SGCD: variants seen among roughly 807,000 people sequenced by gnomAD.
SGCD encodes the protein delta-sarcoglycan.
In SGCD, 18 loss-of-function variants were observed where a neutral mutation model predicts 36.6. The observed-to-expected ratio is 0.49, with a 90% CI of 0.34 to 0.73. The LOEUF (loss-of-function observed/expected upper bound fraction) is 0.73, where lower values mean the gene tolerates loss of function less well. Ranked by LOEUF, SGCD falls within the 30% of genes least tolerant of loss-of-function variation. SGCD has a pLI of 0.01. For synonymous variants in SGCD, 133 were observed against 130.6 expected (o/e 1.02, Z -0.12); for missense variants, 387 against 346.7 (o/e 1.12, Z -0.92).
intron 2 of SGCD, among the ~76,000 whole-genome samples, chr5:156,334,501 G>A (rs767475919): frequency 5.3e-5 from 8 of 151,782 alleles, no homozygotes; most frequent in Admixed American, 1.3e-4. Context: ...TTGCAATGCC[G>A]TCAAGTCTTT....
At chr5:156,242,293 A>T (rs1765324875) in intron 3 of SGCD, among the ~76,000 whole-genome samples, 1 of 152,242 alleles carries the variant, frequency 6.6e-6, no homozygotes, top group East Asian at 1.9e-4. Context: ...CAATTATAGA[A>T]GCTAGAGTAG....
At chr5:156,239,252 T>G (rs1765242300) in intron 3 of SGCD, among the ~76,000 whole-genome samples, 1 of 151,894 alleles carries the variant, frequency 6.6e-6, no homozygotes, top group African/African-American at 2.4e-5. Context: ...ATACAAAAAT[T>G]AGCTGGGTGT....
chr5:156,413,779 C>G (rs1234766885), intron 3 of SGCD, among the ~76,000 whole-genome samples: 1 of 152,288 alleles, frequency 6.6e-6, no homozygotes, highest in African/African-American at 2.4e-5. Context: ...CTAGCGCAGA[C>G]ATTTGAAATG....
chr5:155,882,118 T>C (rs983273511), intron 1 of SGCD, among the ~76,000 whole-genome samples: 1 of 151,932 alleles, frequency 6.6e-6, no homozygotes, highest in African/African-American at 2.4e-5. Context: ...ATTATTTTTC[T>C]TTTTTTTGAG....
the SGCD span, among the ~76,000 whole-genome samples, chr5:155,853,377 G>A: frequency 4.4e-4 from 67 of 151,698 alleles, no homozygotes; most frequent in African/African-American, 1.6e-3. Flanking sequence ...GATGGGTTTT[G>A]TAGAATTTGT....
chr5:156,750,470 G>C (rs934396943), intron 7 of SGCD, among the ~76,000 whole-genome samples: 36 of 152,044 alleles, frequency 2.4e-4, no homozygotes, highest in Non-Finnish European at 8.8e-5. Context: ...CAGATCACTT[G>C]AGTTCAAGAT....
At chr5:156,470,803 T>C (rs1017136691) in intron 3 of SGCD, among the ~76,000 whole-genome samples, 1 of 152,240 alleles carries the variant, frequency 6.6e-6, no homozygotes, top group Non-Finnish European at 1.5e-5. Context: ...ATGATAAATG[T>C]TGCATTACTG....
At chr5:156,258,956 A>G (rs944005467) in intron 3 of SGCD, among the ~76,000 whole-genome samples, 5 of 151,890 alleles carry the variant, frequency 3.3e-5, no homozygotes, top group African/African-American at 1.2e-4. Context: ...TACTTAAGAG[A>G]GTAAAGGGGT....
chr5:156,231,201 T>C (rs1765006054), intron 3 of SGCD, among the ~76,000 whole-genome samples: 1 of 152,160 alleles, frequency 6.6e-6, no homozygotes, highest in African/African-American at 2.4e-5. Flanking sequence ...GAAATACTCT[T>C]ATATGCCTTG....
chr5:155,844,997 A>C, the SGCD span, among the ~76,000 whole-genome samples: 1 of 152,122 alleles, frequency 6.6e-6, no homozygotes, highest in Non-Finnish European at 1.5e-5. Flanking sequence ...CATCTACATC[A>C]GGTATTTCTC....
At chr5:155,789,942 T>C in the SGCD span, among the ~76,000 whole-genome samples, 1 of 152,122 alleles carries the variant, frequency 6.6e-6, no homozygotes, top group Non-Finnish European at 1.5e-5. Context: ...TTAGTAGTTC[T>C]TCTTTTTCAT....
intron 6 of SGCD, among the ~76,000 whole-genome samples, chr5:156,626,698 C>G (rs1048069358): frequency 6.6e-6 from 1 of 152,116 alleles, no homozygotes; most frequent in Non-Finnish European, 1.5e-5. Flanking sequence ...TATGACAATG[C>G]TGACATTTGT....
At chr5:156,319,186 T>G (rs1236299297) in intron 3 of SGCD, among the ~76,000 whole-genome samples, 1 of 152,188 alleles carries the variant, frequency 6.6e-6, no homozygotes, top group Non-Finnish European at 1.5e-5. Context: ...TCTAACAGTT[T>G]CTGCTAATTA....
the SGCD span, among the ~76,000 whole-genome samples, chr5:155,758,921 G>A: frequency 1.4e-4 from 21 of 152,184 alleles, no homozygotes. Flanking sequence ...CAGGGAAGTT[G>A]GTGGTCAGTT....
At chr5:156,539,890 G>C (rs918835963) in intron 4 of SGCD, among the ~76,000 whole-genome samples, 1 of 152,104 alleles carries the variant, frequency 6.6e-6, no homozygotes, top group Admixed American at 6.6e-5. Context: ...AACCAGATAG[G>C]CATGGAACAA....
intron 1 of SGCD, among the ~76,000 whole-genome samples, chr5:155,878,461 G>A (rs747151693): frequency 6.6e-6 from 1 of 151,968 alleles, no homozygotes; most frequent in Non-Finnish European, 1.5e-5. Context: ...TTTAGAATGG[G>A]AAGACATTTC....
chr5:156,184,966 A>T (rs1179858118), intron 3 of SGCD, among the ~76,000 whole-genome samples: 1 of 152,194 alleles, frequency 6.6e-6, no homozygotes, highest in East Asian at 1.9e-4. Context: ...TAAGGTGACT[A>T]TTCCAATATG....
chr5:156,466,249 A>C (rs532896503), intron 3 of SGCD, among the ~76,000 whole-genome samples: 6 of 152,352 alleles, frequency 3.9e-5, no homozygotes, highest in Non-Finnish European at 8.8e-5. Flanking sequence ...TGACAAGGGA[A>C]GTCATTTCAT....
At chr5:156,446,422 T>G (rs1753758218) in intron 3 of SGCD, among the ~76,000 whole-genome samples, 1 of 151,990 alleles carries the variant, frequency 6.6e-6, no homozygotes, top group African/African-American at 2.4e-5. Flanking sequence ...TTTTGATGGC[T>G]GAAGAGAACT....
Sources: gnomAD v4.1 joint callset for allele counts (sites outside exome capture counted in the v4.1 genomes callset) on GRCh38, gnomAD v4.1.1 for gene constraint, MANE v1.5 for transcripts, NCBI Gene and HGNC (gene_info 2026-07-23, HGNC 2026-07-21) for gene names.